ANAPC10: variants seen among roughly 807,000 people sequenced by gnomAD.
The protein encoded by ANAPC10 is anaphase promoting complex subunit 10, also known as anaphase-promoting complex subunit 10.
A neutral mutation model predicts 22.0 loss-of-function variants in ANAPC10; 12 were observed. The observed-to-expected ratio is 0.55, with a 90% CI of 0.35 to 0.88. The LOEUF is 0.88. Among genes scored for constraint, ANAPC10 ranks in the 40% least tolerant of loss-of-function variants. ANAPC10 has a pLI of 0.01. For synonymous variants in ANAPC10, 65 were observed against 69.5 expected, an observed-to-expected ratio of 0.94 and a Z score of 0.32; for missense variants, 188 against 220.9, an observed-to-expected ratio of 0.85 and a Z score of 0.94.
At chr4:145,075,268 T>C (rs1745030549) in intron 3 of ANAPC10, among the ~76,000 whole-genome samples, 1 of 152,206 alleles carries the variant, frequency 6.6e-6, no homozygotes, top group African/African-American at 2.4e-5. Flanking sequence ...TTTCCCATCT[T>C]GAGTTTACAC....
rs190880000 is a variant in ANAPC10, at chr4:145,029,685, T to C, written c.328-34082A>G. ...TTCCTTGGTTAGCTGAAATATGGAT[T>C]AAAAAATGGCCCACTGTGAGAGAGG... On this transcript the variant is annotated intron_variant, in intron 4 of 4. Transcript: ENST00000507656. Among the ~76,000 whole-genome samples the C allele has an allele frequency of 7.5e-4, 114 of 152,244 alleles. 1 individual carries two copies. Among genetic ancestry groups the C allele is most frequent in the East Asian group, 1.5e-3 (8 of 5,166 alleles).
intron 4 of ANAPC10, among the ~76,000 whole-genome samples, chr4:145,058,885 A>T (rs999900374): frequency 1.3e-5 from 2 of 152,206 alleles, no homozygotes; most frequent in African/African-American, 4.8e-5. Context: ...AGAGAAGGTT[A>T]GAAGGTAACA....
In ANAPC10 at chr4:144,996,138, A is replaced by G. The variant is rs538394660; in HGVS notation, c.328-535T>C. 8.5e-5 allele frequency among the ~76,000 whole-genome samples: 13 copies of G among 152,326 alleles called. No individual in the cohort carries two copies. In the East Asian group the frequency reaches 2.5e-3, roughly 29 times the overall value. On this transcript the variant is annotated intron_variant, in intron 4 of 4. Transcript: ENST00000507656. ...GGCAGGGAACTCACTCACAGCCAGG[A>G]GAGGCTCCTGGATGTGGGGAAACAA...
intron 4 of ANAPC10, among the ~76,000 whole-genome samples, chr4:145,054,417 G>T (rs182242723): frequency 2.2e-4 from 34 of 151,416 alleles, no homozygotes; most frequent in Middle Eastern, 6.8e-3. Flanking sequence ...AATTAGCCGG[G>T]CATGGTGGCA....
At chr4:145,054,645 G>GCA (rs1441083625) in intron 4 of ANAPC10, among the ~76,000 whole-genome samples, 1 of 144,006 alleles carries the variant, frequency 6.9e-6, no homozygotes. Flanking sequence ...GTGTGTGCGC[G>GCA]CGCGCGCGCG....
At chr4:145,095,367 T>TCACTTTGTCCAGCACATCCAC (rs1168089903) in intron 2 of ANAPC10, among the ~76,000 whole-genome samples, 17 of 152,252 alleles carry the variant, frequency 1.1e-4, no homozygotes, top group Admixed American at 3.3e-4. Context: ...ACATAAATCA[T>TCACTTTGTCCAGCACATCCAC]CACTTTGTCC....
chr4:145,074,482 T>G (rs1180078238), intron 3 of ANAPC10, among the ~76,000 whole-genome samples: 1 of 152,152 alleles, frequency 6.6e-6, no homozygotes, highest in Non-Finnish European at 1.5e-5. Flanking sequence ...TTTTCCAAAT[T>G]AGATTTTCAA....
At chr4:145,075,989 G>T (rs375387922) in intron 3 of ANAPC10, among the ~76,000 whole-genome samples, 1 of 152,182 alleles carries the variant, frequency 6.6e-6, no homozygotes, top group East Asian at 1.9e-4. Context: ...CACTTTGTCT[G>T]CCAGTCTCTC....
At chr4:145,047,564 G>C (rs1000580293) in intron 4 of ANAPC10, among the ~76,000 whole-genome samples, 1 of 151,954 alleles carries the variant, frequency 6.6e-6, no homozygotes, top group Non-Finnish European at 1.5e-5. Context: ...CTCAACACAA[G>C]GCAAATCTTC....
chr4:144,996,262 C>T (rs1056366388), intron 4 of ANAPC10, among the ~76,000 whole-genome samples: 2 of 152,108 alleles, frequency 1.3e-5, no homozygotes. Flanking sequence ...GGGCCTTGGG[C>T]CTGACATAAT....
At chr4:145,058,250 C>T (rs1340849746) in intron 4 of ANAPC10, among the ~76,000 whole-genome samples, 1 of 152,194 alleles carries the variant, frequency 6.6e-6, no homozygotes, top group Non-Finnish European at 1.5e-5. Flanking sequence ...ACTTCTGTCA[C>T]TATACCATGC....
intron 2 of ANAPC10, among the ~76,000 whole-genome samples, chr4:145,085,957 G>A (rs898942366): frequency 6.6e-6 from 1 of 151,666 alleles, no homozygotes; most frequent in Non-Finnish European, 1.5e-5. Flanking sequence ...TCCACCTCCT[G>A]GGTTCAAGCA....
chr4:145,071,674 A>G lies in ANAPC10; in HGVS notation c.207-6982T>C, dbSNP rs180903828. Among the ~76,000 whole-genome samples, 5 of 152,336 alleles carry G rather than the reference A, an allele frequency of 3.3e-5. No homozygotes were observed. The East Asian group carries it at 9.6e-4, about 29-fold the overall frequency. ...TTATAACCTGATAACCTGAAGGGTT[A>G]TCTTAGTTTCTTTCTAGAAAGGATG... On this transcript the variant is annotated intron_variant, in intron 3 of 4. Coordinates refer to ENST00000507656, the MANE Select transcript of ANAPC10 (RefSeq NM_001256706.2).
chr4:145,086,449 G>A (rs1012818844), intron 2 of ANAPC10, among the ~76,000 whole-genome samples: 1 of 152,270 alleles, frequency 6.6e-6, no homozygotes, highest in East Asian at 1.9e-4. Flanking sequence ...GGTTCGTACA[G>A]TGTCGTTCCT....
intron 4 of ANAPC10, among the ~76,000 whole-genome samples, chr4:145,037,684 C>G (rs746469397): frequency 5.3e-5 from 8 of 152,250 alleles, no homozygotes; most frequent in Non-Finnish European, 8.8e-5. Flanking sequence ...CAATGGCTCA[C>G]ACCTATAATC....
upstream of ANAPC10, chr4:145,098,317 A>G (rs958008128): frequency 2.0e-5 from 3 of 152,334 alleles, no homozygotes; most frequent in Non-Finnish European, 4.4e-5. Context: ...GGGCACCGCC[A>G]TTTTGGCCGG....
intron 4 of ANAPC10, among the ~76,000 whole-genome samples, chr4:144,996,658 A>G (rs1731657713): frequency 6.6e-6 from 1 of 152,162 alleles, no homozygotes; most frequent in Non-Finnish European, 1.5e-5. Context: ...TGAAAATTCT[A>G]AAAATCAGAG....
Position 144,995,191 on chromosome 4 carries a change from C to A in ANAPC10, c.*182G>T, listed in dbSNP as rs1731432976. On this transcript the variant is annotated 3_prime_UTR_variant, in exon 5 of 5. Transcript: ENST00000507656. ...AATGTAAAATATGTGAGCTTTATTA[C>A]ATGTTAAAGAAAATAAAGATAATAT... 1 of 402,500 alleles carries A rather than the reference C, an allele frequency of 2.5e-6. No homozygotes were observed. Among genetic ancestry groups the A allele is most frequent in the Non-Finnish European group, 4.4e-6 (1 of 228,558 alleles). The allele number at this position is 402,500 out of a possible 1,614,324, so 24.9% of individuals were successfully genotyped here.
intron 3 of ANAPC10, 94 bp downstream of exon 3, chr4:145,081,566 A>G: frequency 1.3e-6 from 1 of 797,046 alleles, no homozygotes; most frequent in Non-Finnish European, 2.0e-6. Flanking sequence ...AGTGTATTTC[A>G]TTGTAATTTC....
Sources: gnomAD v4.1 joint callset for allele counts (sites outside exome capture counted in the v4.1 genomes callset) on GRCh38, gnomAD v4.1.1 for gene constraint, MANE v1.5 for transcripts, NCBI Gene and HGNC (gene_info 2026-07-23, HGNC 2026-07-21) for gene names.